TBX20: variants seen among roughly 807,000 people sequenced by gnomAD.
The protein encoded by TBX20 is T-box transcription factor TBX20.
TBX20 carries 8 observed loss-of-function variants against 42.9 expected under a neutral mutation model. The ratio of observed to expected loss-of-function variants is 0.19; its 90% CI spans 0.11 to 0.34. The LOEUF (loss-of-function observed/expected upper bound fraction) is 0.34. Ranked by LOEUF, TBX20 falls within the 10% of genes least tolerant of loss-of-function variation. TBX20 has a pLI of 1.00. For missense variants in TBX20, 411 were observed against 566.0 expected, an observed-to-expected ratio of 0.73 and a Z score of 2.78; for synonymous variants, 198 against 222.8, an observed-to-expected ratio of 0.89 and a Z score of 0.99.
At chr7:35,239,467 G>A (rs1790032355) in intron 5 of TBX20, among the ~76,000 whole-genome samples, 1 of 152,222 alleles carries the variant, frequency 6.6e-6, no homozygotes, top group Non-Finnish European at 1.5e-5. Context: ...AATGTGTCAA[G>A]TAAACTGAGC....
Position 35,212,659 on chromosome 7 carries a change from A to T in TBX20, c.891-8077T>A, listed in dbSNP as rs533081786. Reference sequence around the variant, plus strand: ...TTTAGTTGAGGGCTAATTCTTCCTCACTACTGAAGCAAAACCCTTCTGAAT... The same window carrying T: ...TTTAGTTGAGGGCTAATTCTTCCTCTCTACTGAAGCAAAACCCTTCTGAAT... On this transcript the variant is annotated intron_variant, in intron 6 of 7. Coordinates refer to ENST00000408931, the MANE Select transcript of TBX20 (RefSeq NM_001077653.2). Among the ~76,000 whole-genome samples, 431 of 152,306 alleles carry T rather than the reference A, an allele frequency of 2.8e-3. 4 individuals are homozygous for T. Among genetic ancestry groups the T allele is most frequent in the African/African-American group, 0.01 (421 of 41,564 alleles).
intron 6 of TBX20, among the ~76,000 whole-genome samples, chr7:35,219,053 G>A (rs940993516): frequency 1.3e-5 from 2 of 152,144 alleles, no homozygotes; most frequent in Admixed American, 1.3e-4. Flanking sequence ...ATGGTCTTTT[G>A]TTATAACAGC....
At chr7:35,230,344 T>C (rs1404423161) in intron 6 of TBX20, among the ~76,000 whole-genome samples, 1 of 152,188 alleles carries the variant, frequency 6.6e-6, no homozygotes, top group Non-Finnish European at 1.5e-5. Context: ...GGATTTTCAA[T>C]CACAAGCTCA....
At position 35,206,276 on chromosome 7, in the gene TBX20, G is replaced by A. The variant is rs191074735; in HGVS notation, c.891-1694C>T. Reference sequence around the variant, plus strand: ...AGTGTATGGGGCCGGAGCCGGGGCCGGTGGCTCACACCTGTAATCCCAGCA... The same window carrying A: ...AGTGTATGGGGCCGGAGCCGGGGCCAGTGGCTCACACCTGTAATCCCAGCA... On this transcript the variant is annotated intron_variant, in intron 6 of 7. Coordinates refer to ENST00000408931, the MANE Select transcript of TBX20 (RefSeq NM_001077653.2). Among the ~76,000 whole-genome samples the A allele has an allele frequency of 1.5e-3, 227 of 152,340 alleles. 1 individual carries two copies. The highest frequency in any genetic ancestry group is 5.1e-3 in the African/African-American group (213 of 41,594).
At chr7:35,243,877 T>C (rs1285383185) in intron 4 of TBX20, among the ~76,000 whole-genome samples, 7 of 152,226 alleles carry the variant, frequency 4.6e-5, no homozygotes, top group Non-Finnish European at 7.3e-5. Context: ...CAGTCTCCTG[T>C]GGGCAGAGGG....
intron 6 of TBX20, among the ~76,000 whole-genome samples, chr7:35,229,859 G>T (rs1789838185): frequency 6.6e-6 from 1 of 152,068 alleles, no homozygotes; most frequent in Admixed American, 6.5e-5. Context: ...TTGATTCTCA[G>T]AATAAACCTC....
At chr7:35,228,754 G>A (rs562318887) in intron 6 of TBX20, among the ~76,000 whole-genome samples, 2 of 152,020 alleles carry the variant, frequency 1.3e-5, no homozygotes, top group African/African-American at 4.8e-5. Flanking sequence ...CCCAATCTGA[G>A]AAACTAGACA....
intron 6 of TBX20, among the ~76,000 whole-genome samples, chr7:35,227,068 A>G (rs1789784644): frequency 6.6e-6 from 1 of 151,858 alleles, no homozygotes; most frequent in African/African-American, 2.4e-5. Flanking sequence ...TTTTAACAAA[A>G]ATGTTTAAAA....
chr7:35,239,210 C>T (rs1326669557), intron 5 of TBX20, among the ~76,000 whole-genome samples: 1 of 152,178 alleles, frequency 6.6e-6, no homozygotes, highest in Non-Finnish European at 1.5e-5. Context: ...TCTACTACCT[C>T]ATTTGTGTGA....
At chr7:35,239,846 G>A (rs1037200569) in intron 5 of TBX20, among the ~76,000 whole-genome samples, 27 of 152,126 alleles carry the variant, frequency 1.8e-4, no homozygotes, top group African/African-American at 6.5e-4. Context: ...CCGCCTCCCA[G>A]GTTCAAGCGA....
chr7:35,224,537 T>G (rs879740415), intron 6 of TBX20, among the ~76,000 whole-genome samples: 2 of 152,210 alleles, frequency 1.3e-5, no homozygotes, highest in African/African-American at 4.8e-5. Context: ...CTGGACGTGG[T>G]GGCACATGCC....
chr7:35,206,349 A>G (rs1647064444), intron 6 of TBX20, among the ~76,000 whole-genome samples: 1 of 152,240 alleles, frequency 6.6e-6, no homozygotes, highest in East Asian at 1.9e-4. Context: ...GGAGTTCAAG[A>G]CAAGCCTGGC....
chr7:35,203,863 T>A (rs1293183928), intron 7 of TBX20, among the ~76,000 whole-genome samples: 1 of 152,224 alleles, frequency 6.6e-6, no homozygotes. Flanking sequence ...ATACGAACTT[T>A]ACTGTTCCCA....
chr7:35,236,237 C>T (rs899412567), intron 5 of TBX20, among the ~76,000 whole-genome samples: 1 of 151,334 alleles, frequency 6.6e-6, no homozygotes, highest in African/African-American at 2.4e-5. Context: ...ATAAAAATAG[C>T]AGTCATATCC....
chr7:35,211,508 C>T (rs1346768401), intron 6 of TBX20, among the ~76,000 whole-genome samples: 1 of 152,064 alleles, frequency 6.6e-6, no homozygotes, highest in East Asian at 1.9e-4. Context: ...GTAAATAATT[C>T]TAGTTAACAG....
At position 35,241,023 on chromosome 7, in the gene TBX20, T is replaced by C; in HGVS notation, c.669A>G (p.Ser223=). The change falls in exon 5 of 8, where the codon TCA becomes TCG. Residue 223 remains serine, a synonymous_variant. Transcript: ENST00000408931. ...LDQHGHIILN[S]MHKYQPRVHI... Reference sequence around the variant, plus strand: ...GCACCCTTGGCTGGTACTTATGCATTGAGTTCAAAATTATCTACAACAAAA... The same window carrying C: ...GCACCCTTGGCTGGTACTTATGCATCGAGTTCAAAATTATCTACAACAAAA... 1 of 1,613,878 alleles carries C rather than the reference T, an allele frequency of 6.2e-7. No individual in the cohort carries two copies. Among genetic ancestry groups the C allele is most frequent in the Non-Finnish European group, 8.5e-7 (1 of 1,179,798 alleles).
chr7:35,216,838 TA>T (rs1789599402), intron 6 of TBX20, among the ~76,000 whole-genome samples: 1 of 152,186 alleles, frequency 6.6e-6, no homozygotes, highest in Non-Finnish European at 1.5e-5. Context: ...ATATAATTTA[TA>T]AAAAACAAAA....
chr7:35,239,854 C>A (rs1472572130), intron 5 of TBX20, among the ~76,000 whole-genome samples: 2 of 151,990 alleles, frequency 1.3e-5, no homozygotes, highest in Admixed American at 6.6e-5. Flanking sequence ...CAGGTTCAAG[C>A]GATTCTCCTG....
chr7:35,226,399 C>T lies in TBX20; in HGVS notation c.890+5105G>A, dbSNP rs540267400. Among the ~76,000 whole-genome samples the T allele has an allele frequency of 5.6e-5, 5 of 89,660 alleles. No homozygotes were observed. In the East Asian group the frequency reaches 1.5e-3, roughly 27 times the overall value. 58.8% of individuals were successfully genotyped at this position (89,660 alleles called of 152,430 possible). Reference sequence around the variant, plus strand: ...CAGCTCATTTAGAGAACAAGGTGAACAATCCAAAAAAAAAAAAAAAAACCT... The same window carrying T: ...CAGCTCATTTAGAGAACAAGGTGAATAATCCAAAAAAAAAAAAAAAAACCT... On this transcript the variant is annotated intron_variant, in intron 6 of 7. Coordinates refer to ENST00000408931, the MANE Select transcript of TBX20 (RefSeq NM_001077653.2).
Sources: gnomAD v4.1 joint callset for allele counts (sites outside exome capture counted in the v4.1 genomes callset) on GRCh38, gnomAD v4.1.1 for gene constraint, MANE v1.5 for transcripts, NCBI Gene and HGNC (gene_info 2026-07-23, HGNC 2026-07-21) for gene names.